DENND1B: variants seen among roughly 807,000 people sequenced by gnomAD.
DENND1B encodes the protein DENN domain-containing protein 1B.
A neutral mutation model predicts 90.1 loss-of-function variants in DENND1B; 59 were observed. That is an observed-to-expected ratio of 0.65 (90% CI 0.53 to 0.81). DENND1B has a LOEUF of 0.81. Among genes scored for constraint, DENND1B ranks in the 40% least tolerant of loss-of-function variants. The probability of loss-of-function intolerance (pLI) is 0.00; values close to 1 mark genes in which losing one functional copy is unlikely to be tolerated. For synonymous variants in DENND1B, 337 were observed against 324.6 expected, an observed-to-expected ratio of 1.04 and a Z score of -0.41; for missense variants, 862 against 912.6, an observed-to-expected ratio of 0.94 and a Z score of 0.71.
At chr1:197,656,354 T>A (rs1653823826) in intron 6 of DENND1B, among the ~76,000 whole-genome samples, 1 of 151,214 alleles carries the variant, frequency 6.6e-6, no homozygotes, top group South Asian at 2.1e-4. Context: ...ATGTCAAGAG[T>A]GACAGAGTAC....
chr1:197,589,348 G>T (rs960739474), intron 14 of DENND1B, among the ~76,000 whole-genome samples: 2 of 152,072 alleles, frequency 1.3e-5, no homozygotes, highest in Non-Finnish European at 2.9e-5. Context: ...CAGAAAGAAA[G>T]TGCCATAAAA....
chr1:197,600,820 C>T (rs1335296984), intron 13 of DENND1B, among the ~76,000 whole-genome samples: 3 of 151,778 alleles, frequency 2.0e-5, no homozygotes, highest in African/African-American at 7.2e-5. Flanking sequence ...GAAATCCCAT[C>T]CTCAGTGCAA....
intron 15 of DENND1B, among the ~76,000 whole-genome samples, chr1:197,556,694 A>G (rs984189032): frequency 6.6e-6 from 1 of 152,016 alleles, no homozygotes; most frequent in Admixed American, 6.6e-5. Context: ...TGTCACCTCT[A>G]AGACTATTTC....
At chr1:197,735,352 C>T in intron 2 of DENND1B, 1 of 1,324,996 alleles carries the variant, frequency 7.5e-7, no homozygotes, top group South Asian at 1.6e-5. Flanking sequence ...CACAGCTCCA[C>T]CTTGGCTTTT....
At chr1:197,557,825 T>A (rs1671838400) in intron 15 of DENND1B, among the ~76,000 whole-genome samples, 1 of 151,876 alleles carries the variant, frequency 6.6e-6, no homozygotes, top group Non-Finnish European at 1.5e-5. Flanking sequence ...ACCACTTTAA[T>A]AACTCTGGAG....
chr1:197,743,262 C>A (rs1386161518), intron 2 of DENND1B, among the ~76,000 whole-genome samples: 1 of 152,240 alleles, frequency 6.6e-6, no homozygotes, highest in East Asian at 1.9e-4. Context: ...AGGTTCAGTT[C>A]CAGATCAACT....
At chr1:197,623,398 C>T (rs568494040) in intron 10 of DENND1B, among the ~76,000 whole-genome samples, 9 of 151,452 alleles carry the variant, frequency 5.9e-5, no homozygotes, top group Admixed American at 5.3e-4. Flanking sequence ...TTTATATTCA[C>T]ATTTTAAAGT....
At chr1:197,702,553 T>A (rs1659142780) in intron 3 of DENND1B, among the ~76,000 whole-genome samples, 1 of 152,232 alleles carries the variant, frequency 6.6e-6, no homozygotes, top group Admixed American at 6.5e-5. Context: ...GGAATTGATA[T>A]TAAATTGACT....
chr1:197,519,329 C>A (rs1250017459), intron 20 of DENND1B, among the ~76,000 whole-genome samples: 3 of 151,752 alleles, frequency 2.0e-5, no homozygotes, highest in Non-Finnish European at 2.9e-5. Flanking sequence ...TTGCTGAGAA[C>A]CTATTAATGA....
intron 10 of DENND1B, among the ~76,000 whole-genome samples, chr1:197,624,805 T>C (rs1162169245): frequency 1.3e-5 from 2 of 151,612 alleles, no homozygotes; most frequent in African/African-American, 2.4e-5. Flanking sequence ...GAATAACCAA[T>C]ACAGAGAAGT....
intron 10 of DENND1B, among the ~76,000 whole-genome samples, chr1:197,624,722 C>G (rs1378099802): frequency 2.0e-5 from 3 of 151,798 alleles, no homozygotes; most frequent in South Asian, 2.1e-4. Flanking sequence ...CTACTCTGAG[C>G]TACAGGAGGA....
chr1:197,530,201 T>G lies in DENND1B; in HGVS notation c.1515+9763A>C, dbSNP rs1024864368. On this transcript the variant is annotated intron_variant, in intron 20 of 22. Coordinates refer to ENST00000620048, the MANE Select transcript of DENND1B (RefSeq NM_001195215.2). ...TGGAAAACAGGTTTAAAACACAGGC[T>G]TAGAACTTTGTTCTTTTCTACAGCA... Among the ~76,000 whole-genome samples the G allele has an allele frequency of 2.6e-5, 4 of 152,366 alleles. No homozygotes were observed. The East Asian group carries it at 7.7e-4, about 29-fold the overall frequency.
intron 10 of DENND1B, among the ~76,000 whole-genome samples, chr1:197,627,615 G>A (rs1678890208): frequency 6.6e-6 from 1 of 151,960 alleles, no homozygotes; most frequent in South Asian, 2.1e-4. Flanking sequence ...TTGAAAACGG[G>A]CACAAGACAG....
intron 2 of DENND1B, among the ~76,000 whole-genome samples, chr1:197,719,568 A>G (rs1660964946): frequency 6.6e-6 from 1 of 152,214 alleles, no homozygotes; most frequent in Admixed American, 6.5e-5. Flanking sequence ...AAAACACACA[A>G]AAAAGCTGTT....
chr1:197,529,383 GGTGT>G (rs1185995910), intron 20 of DENND1B, among the ~76,000 whole-genome samples: 3 of 150,018 alleles, frequency 2.0e-5, no homozygotes, highest in African/African-American at 7.4e-5. Flanking sequence ...TGGGTGGGTG[GGTGT>G]GTGTGTGCAT....
At chr1:197,650,529 G>A (rs1464786998) in intron 7 of DENND1B, among the ~76,000 whole-genome samples, 1 of 152,084 alleles carries the variant, frequency 6.6e-6, no homozygotes, top group Non-Finnish European at 1.5e-5. Flanking sequence ...TCTATCAAGA[G>A]GAAAAAAGTC....
intron 14 of DENND1B, among the ~76,000 whole-genome samples, chr1:197,590,335 A>G (rs1376687466): frequency 6.6e-6 from 1 of 152,186 alleles, no homozygotes; most frequent in East Asian, 1.9e-4. Flanking sequence ...GAATCCAGGC[A>G]GTATGGTTAC....
chr1:197,510,660 T>A lies in DENND1B; in HGVS notation c.2128A>T (p.Ile710Phe). 2 of 1,612,856 alleles carry A rather than the reference T, an allele frequency of 1.2e-6. No individual in the cohort carries two copies. Among genetic ancestry groups the A allele is most frequent in the Non-Finnish European group, 8.5e-7 (1 of 1,179,250 alleles). Residue 710 changes from isoleucine (I) to phenylalanine (F), a missense_variant, in exon 23 of 23, where the codon ATT (isoleucine) becomes TTT (phenylalanine). Coordinates refer to ENST00000620048, the MANE Select transcript of DENND1B (RefSeq NM_001195215.2). ...CCGGGTATAAGCAGATCATCTGAAA[T>A]CTGGCTTAGTGTTTCCCTCTTTTCT... ...KTEKRETLSQ[I>F]SDDLLIPGLG...
chr1:197,626,326 C>G (rs1211212184), intron 10 of DENND1B, among the ~76,000 whole-genome samples: 2 of 152,292 alleles, frequency 1.3e-5, no homozygotes, highest in African/African-American at 4.8e-5. Flanking sequence ...AACTGTCTCT[C>G]AGACCACAGG....
Sources: allele counts gnomAD v4.1 joint callset (sites outside exome capture counted in the v4.1 genomes callset), GRCh38; gene constraint gnomAD v4.1.1; transcripts MANE v1.5; gene names NCBI Gene and HGNC (gene_info 2026-07-23, HGNC 2026-07-21).